The following TJP2 variants were observed in gnomAD, a reference collection of about 807,000 sequenced individuals.
The protein encoded by TJP2 is tight junction protein 2.
Under a neutral mutation model 133.1 loss-of-function variants are expected in TJP2, and 91 were observed. The observed-to-expected ratio is 0.68, with a 90% CI of 0.58 to 0.81. The LOEUF is 0.81. Ranked by LOEUF, TJP2 falls within the 40% of genes least tolerant of loss-of-function variation. TJP2 has a pLI of 0.00. For missense variants in TJP2, 1,541 were observed against 1,565.6 expected (o/e 0.98, Z 0.26); for synonymous variants, 592 against 583.4 (o/e 1.01, Z -0.21).
At chr9:69,144,445 G>T (rs1823130773) in intron 1 of TJP2, among the ~76,000 whole-genome samples, 1 of 152,060 alleles carries the variant, frequency 6.6e-6, no homozygotes, top group African/African-American at 2.4e-5. Flanking sequence ...TTATGTATGG[G>T]TTTGTTTAGA....
At chr9:69,214,389 A>G (rs1321563503) in intron 2 of TJP2, among the ~76,000 whole-genome samples, 1 of 152,112 alleles carries the variant, frequency 6.6e-6, no homozygotes, top group Non-Finnish European at 1.5e-5. Flanking sequence ...CCTGGCCCAG[A>G]CTTAGCTTTT....
At chr9:69,211,978 T>C (rs77044638) in intron 1 of TJP2, among the ~76,000 whole-genome samples, 1 of 152,242 alleles carries the variant, frequency 6.6e-6, no homozygotes, top group Non-Finnish European at 1.5e-5. Flanking sequence ...TGTAGTTTTT[T>C]CTGGATACCT....
At chr9:69,154,208 G>A (rs1587920401) in intron 2 of TJP2, among the ~76,000 whole-genome samples, 3 of 152,252 alleles carry the variant, frequency 2.0e-5, no homozygotes, top group Non-Finnish European at 2.9e-5. Context: ...TAACTCAGAC[G>A]AGTAAAAAGG....
At chr9:69,210,551 T>C (rs1383397779) in intron 1 of TJP2, among the ~76,000 whole-genome samples, 1 of 152,092 alleles carries the variant, frequency 6.6e-6, no homozygotes, top group East Asian at 1.9e-4. Context: ...TTGGGGAGTT[T>C]TACATAATTT....
At chr9:69,207,636 A>G (rs547060055) in intron 1 of TJP2, among the ~76,000 whole-genome samples, 44 of 152,246 alleles carry the variant, frequency 2.9e-4, no homozygotes, top group Admixed American at 2.0e-3. Flanking sequence ...TGCTCTTTCT[A>G]TGGGCCTGCC....
At chr9:69,240,208 A>G in intron 17 of TJP2, 61 bp downstream of exon 17, 3 of 1,393,986 alleles carry the variant, frequency 2.2e-6, no homozygotes, top group Non-Finnish European at 3.0e-6. Context: ...ATTGAAGAGT[A>G]GAAGAAATAA....
intron 1 of TJP2, among the ~76,000 whole-genome samples, chr9:69,184,142 C>G (rs186925356): frequency 4.9e-4 from 75 of 152,266 alleles, no homozygotes; most frequent in Admixed American, 1.8e-3. Context: ...TCAGTTTTCT[C>G]AGTTGTAAAA....
At chr9:69,190,214 C>A (rs965304561) in intron 1 of TJP2, among the ~76,000 whole-genome samples, 1 of 152,198 alleles carries the variant, frequency 6.6e-6, no homozygotes, top group African/African-American at 2.4e-5. Flanking sequence ...TAAATTGCAT[C>A]CTAGCTTGAG....
chr9:69,203,275 T>A (rs1313690421), intron 1 of TJP2, among the ~76,000 whole-genome samples: 1 of 151,890 alleles, frequency 6.6e-6, no homozygotes, highest in Non-Finnish European at 1.5e-5. Context: ...TTGCTTAGAT[T>A]CCAAGGTCCT....
intron 7 of TJP2, among the ~76,000 whole-genome samples, chr9:69,226,615 C>T (rs1362298241): frequency 2.0e-5 from 3 of 152,176 alleles, no homozygotes; most frequent in African/African-American, 7.2e-5. Flanking sequence ...CCTTCTGCCT[C>T]AGCCTCCTGA....
At chr9:69,162,469 A>G (rs984082525) in intron 2 of TJP2, among the ~76,000 whole-genome samples, 1 of 152,142 alleles carries the variant, frequency 6.6e-6, no homozygotes, top group African/African-American at 2.4e-5. Flanking sequence ...TTATTTCCTC[A>G]TTATCTATGC....
upstream of TJP2, among the ~76,000 whole-genome samples, chr9:69,170,250 A>G (rs908302592): frequency 1.3e-5 from 2 of 152,210 alleles, no homozygotes; most frequent in Non-Finnish European, 2.9e-5. Flanking sequence ...AGAAAAATAT[A>G]TGCACAAGCC....
chr9:69,158,242 C>G (rs979933515), intron 2 of TJP2, among the ~76,000 whole-genome samples: 1 of 145,326 alleles, frequency 6.9e-6, no homozygotes, highest in Non-Finnish European at 1.5e-5. Flanking sequence ...GCAGGAGAAT[C>G]GCTTGAATCC....
At chr9:69,195,266 A>T (rs1826471395) in intron 1 of TJP2, among the ~76,000 whole-genome samples, 1 of 152,186 alleles carries the variant, frequency 6.6e-6, no homozygotes, top group Admixed American at 6.5e-5. Context: ...ATTATAGGGT[A>T]CACAGGGCTG....
At chr9:69,208,440 T>C (rs1489541752) in intron 1 of TJP2, among the ~76,000 whole-genome samples, 1 of 152,116 alleles carries the variant, frequency 6.6e-6, no homozygotes, top group East Asian at 1.9e-4. Context: ...TTAATTTAAA[T>C]TACGCTTGCA....
At chr9:69,148,590 G>A (rs982316190) in intron 1 of TJP2, among the ~76,000 whole-genome samples, 2 of 151,558 alleles carry the variant, frequency 1.3e-5, no homozygotes, top group African/African-American at 2.4e-5. Context: ...GGCTAGTCTC[G>A]AACTCCTGAC....
At chr9:69,162,976 G>A (rs4745650) in intron 2 of TJP2, among the ~76,000 whole-genome samples, 61,418 of 146,236 alleles carry the variant, frequency 0.42, 13,947 homozygotes, top group East Asian at 0.63. Flanking sequence ...TCTGAAAAAC[G>A]TACACAGCAT....
intron 1 of TJP2, among the ~76,000 whole-genome samples, chr9:69,183,473 C>T (rs1037172313): frequency 2.6e-5 from 4 of 152,166 alleles, no homozygotes; most frequent in African/African-American, 7.2e-5. Context: ...TCAACCTAAC[C>T]TCTGTGAAAT....
intron 21 of TJP2, 55 bp from the exon 22 acceptor site, chr9:69,252,760 A>G (rs1831428049): frequency 2.6e-6 from 4 of 1,528,920 alleles, no homozygotes; most frequent in Non-Finnish European, 3.6e-6. Context: ...CAGCAAGCAG[A>G]GTGCCCAGTG....
Sources: gnomAD v4.1 joint callset for allele counts (sites outside exome capture counted in the v4.1 genomes callset) on GRCh38, gnomAD v4.1.1 for gene constraint, MANE v1.5 for transcripts, NCBI Gene and HGNC (gene_info 2026-07-23, HGNC 2026-07-21) for gene names.